Variants in PLCG1 observed in about 807,000 individuals in gnomAD.
PLCG1 encodes phospholipase C gamma 1.
PLCG1 carries 71 observed loss-of-function variants against 177.8 expected under a neutral mutation model. That is an observed-to-expected ratio of 0.40 (90% CI 0.33 to 0.49). The LOEUF (loss-of-function observed/expected upper bound fraction) is 0.49, where lower values mean the gene tolerates loss of function less well. PLCG1 is among the 20% of genes least tolerant of loss of function. PLCG1 has a pLI of 0.72. For synonymous variants in PLCG1, 658 were observed against 647.9 expected (o/e 1.02, Z -0.24); for missense variants, 1,281 against 1,709.0 (o/e 0.75, Z 4.42).
chr20:41,159,883 T>A lies in PLCG1; in HGVS notation c.384T>A (p.Asp128Glu), dbSNP rs2035440594. 4 of 1,614,064 alleles carry A rather than the reference T, an allele frequency of 2.5e-6. No individual in the cohort carries two copies. Among genetic ancestry groups the A allele is most frequent in the Non-Finnish European group, 3.4e-6 (4 of 1,179,970 alleles). ...CCTTGCTCACAGCCACATCTGAGGA[T>A]GAAGTGAACATGTGGATCAAGGGCT... Reference protein sequence around the residue: ...KTLSLQATSEDEVNMWIKGLT... With the variant: ...KTLSLQATSEEEVNMWIKGLT... Residue 128 changes from aspartate (D) to glutamate (E), a missense_variant, in exon 3 of 32, where the codon GAT (aspartate) becomes GAA (glutamate). Physicochemically the swap from Asp to Glu is conservative, Grantham distance 45. Coordinates refer to ENST00000685551, the MANE Select transcript of PLCG1 (RefSeq NM_002660.3). This position sits in a 1 kb window ranked among gnomAD's most constrained non-coding sequence, Gnocchi z 6.0.
rs564394004 is a variant in PLCG1 at position 41,144,901 on chromosome 20, T to TCATTGAA, written c.217+7044_217+7050dup. On this transcript the variant is annotated intron_variant, in intron 1 of 31. Transcript: ENST00000685551. The surrounding 1 kb of genome is among the most constrained non-coding windows in gnomAD (Gnocchi z 4.1). ...ACTAGCTTTCTTGGGCCTCAGTGGCTCATTGAATAAGTGAGAGACGACTTG... is the reference window on the plus strand; with the variant it reads ...ACTAGCTTTCTTGGGCCTCAGTGGCTCATTGAACATTGAATAAGTGAGAGACGACTTG... Among the ~76,000 whole-genome samples the TCATTGAA allele has an allele frequency of 2.2e-3, 339 of 152,202 alleles. No individual in the cohort carries two copies. Among genetic ancestry groups the TCATTGAA allele is most frequent in the African/African-American group, 7.7e-3 (318 of 41,524 alleles).
chr20:41,169,021 C>T (rs767171687), intron 21 of PLCG1, 58 bp from the exon 22 acceptor site: 1 of 1,382,062 alleles, frequency 7.2e-7, no homozygotes. Context: ...CCAAAGGATA[C>T]CCTCCTCATG....
chr20:41,173,128 G>A lies in PLCG1; in HGVS notation c.3279+251G>A, dbSNP rs2035955440. Among the ~76,000 whole-genome samples the A allele has an allele frequency of 6.6e-6, 1 of 152,088 alleles. No individual in the cohort carries two copies. The highest frequency in any genetic ancestry group is 1.5e-5 in the Non-Finnish European group (1 of 68,004). Reference sequence around the variant, plus strand: ...GATGAGATCTTTTTTTTCCCTAAGGGGAGGTCATTTAAAAGATTTCTGTGT... The same window carrying A: ...GATGAGATCTTTTTTTTCCCTAAGGAGAGGTCATTTAAAAGATTTCTGTGT... On this transcript the variant is annotated intron_variant, in intron 27 of 31. Transcript: ENST00000685551. This position sits in a 1 kb window ranked among gnomAD's most constrained non-coding sequence, Gnocchi z 6.2.
intron 4 of PLCG1, among the ~76,000 whole-genome samples, chr20:41,161,611 C>G (rs1170933952): frequency 6.6e-6 from 1 of 152,110 alleles, no homozygotes; most frequent in Non-Finnish European, 1.5e-5. Flanking sequence ...TAGAGCCAGC[C>G]CTCCCTCCGC....
rs1327352937 is a variant in PLCG1, at chr20:41,176,793, T to A, written c.*2284T>A. The A allele has an allele frequency of 6.6e-6, 1 of 150,860 alleles. No individual in the cohort carries two copies. The highest frequency in any genetic ancestry group is 1.9e-4 in the East Asian group (1 of 5,200). The allele number at this position is 150,860 out of a possible 1,614,324, so 9.3% of individuals were successfully genotyped here. Reference sequence around the variant, plus strand: ...TCCTCCAGACCTGACAAATGTTGATTGACCCAGAAGGCAGAGTGTTTGTTG... The same window carrying A: ...TCCTCCAGACCTGACAAATGTTGATAGACCCAGAAGGCAGAGTGTTTGTTG... On this transcript the variant is annotated 3_prime_UTR_variant, in exon 32 of 32. Coordinates refer to ENST00000685551, the MANE Select transcript of PLCG1 (RefSeq NM_002660.3).
chr20:41,155,208 A>C (rs1416661850), intron 1 of PLCG1, among the ~76,000 whole-genome samples: 1 of 152,256 alleles, frequency 6.6e-6, no homozygotes, highest in Non-Finnish European at 1.5e-5. Context: ...CCCAGGTGCC[A>C]GGCAGCAGGC....
In PLCG1 at chr20:41,163,806, A is replaced by T; in HGVS notation, c.983A>T (p.His328Leu). The change falls in exon 10 of 32, where the codon CAC becomes CTC. Residue 328 changes from histidine to leucine, a missense_variant. This residue lies in a region of PLCG1 where 374 missense variants were observed against 443.8 expected (regional missense o/e 0.84). Coordinates refer to ENST00000685551, the MANE Select transcript of PLCG1 (RefSeq NM_002660.3). The surrounding 1 kb of genome is among the most constrained non-coding windows in gnomAD (Gnocchi z 5.2). ...CPDTMNNPLS[H>L]YWISSSHNTY... ...GACACCATGAACAACCCTCTTTCCCACTACTGGATCTCCTCCTCGCACAAC... is the reference window on the plus strand; with the variant it reads ...GACACCATGAACAACCCTCTTTCCCTCTACTGGATCTCCTCCTCGCACAAC... 1.9e-6 allele frequency: 3 copies of T among 1,613,338 alleles called. No individual in the cohort carries two copies. The South Asian group carries it at 3.3e-5, about 18-fold the overall frequency.
At chr20:41,168,160 T>C (rs1169283560) in intron 20 of PLCG1, among the ~76,000 whole-genome samples, 1 of 152,150 alleles carries the variant, frequency 6.6e-6, no homozygotes, top group Non-Finnish European at 1.5e-5. Flanking sequence ...TTTAAACTGC[T>C]CCTGTGGGTG....
At position 41,158,221 on chromosome 20, in the gene PLCG1, G is replaced by A. The variant is rs34483206; in HGVS notation, c.218-1385G>A. Among the ~76,000 whole-genome samples, 416 of 152,228 alleles carry A rather than the reference G, an allele frequency of 2.7e-3. 3 individuals are homozygous for A. Among genetic ancestry groups the A allele is most frequent in the South Asian group, 0.015 (74 of 4,824 alleles). On this transcript the variant is annotated intron_variant, in intron 1 of 31. Coordinates refer to ENST00000685551, the MANE Select transcript of PLCG1 (RefSeq NM_002660.3). ...AGAGAGCATCTGGGGGAGTTGGGCC[G>A]TTAGGACATTCCAGGCAGGTTGGTG...
intron 1 of PLCG1, among the ~76,000 whole-genome samples, chr20:41,152,887 G>T (rs2035209776): frequency 1.3e-5 from 2 of 152,254 alleles, no homozygotes; most frequent in Non-Finnish European, 2.9e-5. Context: ...GGTAGGAGTG[G>T]CTTGTGCAAA....
At position 41,173,815 on chromosome 20, in the gene PLCG1, T is replaced by G; in HGVS notation, c.3556+2T>G. ...TCCCAGTAAAAGGCCTGAAGACAGG[T>G]GAGGACCATTCCTGGAGGCAGTGCC... On this transcript the variant is annotated splice_donor_variant, in intron 29 of 31. Coordinates refer to ENST00000685551, the MANE Select transcript of PLCG1 (RefSeq NM_002660.3). LOFTEE classifies it high-confidence loss of function. The surrounding 1 kb of genome is among the most constrained non-coding windows in gnomAD (Gnocchi z 6.2). 6.2e-7 allele frequency: 1 copy of G among 1,613,198 alleles called. No homozygotes were observed. The highest frequency in any genetic ancestry group is 8.5e-7 in the Non-Finnish European group (1 of 1,179,414).
Position 41,165,883 on chromosome 20 carries a change from A to C in PLCG1, c.1799+57A>C, listed in dbSNP as rs968391705. 3.0e-6 allele frequency: 4 copies of C among 1,334,772 alleles called. No individual in the cohort carries two copies. In the African/African-American group the frequency reaches 5.9e-5, roughly 20 times the overall value. The allele number at this position is 1,334,772 out of a possible 1,614,324, so 82.7% of individuals were successfully genotyped here. ...GTCAGCGTGTGTACACAGACATCAC[A>C]TCACCCAGAGATAATCAGTTAACAT... is the stretch of plus-strand genomic sequence containing the variant. On this transcript the variant is annotated intron_variant, in intron 16 of 31. Coordinates refer to ENST00000685551, the MANE Select transcript of PLCG1 (RefSeq NM_002660.3). The surrounding 1 kb of genome is among the most constrained non-coding windows in gnomAD (Gnocchi z 6.6).
In PLCG1 at chr20:41,166,992, T is replaced by G. The variant is rs533092350; in HGVS notation, c.2301+133T>G. 3.6e-5 allele frequency: 29 copies of G among 798,772 alleles called. No individual in the cohort carries two copies. The African/African-American group carries it at 3.9e-4, about 11-fold the overall frequency. 49.5% of individuals were successfully genotyped at this position (798,772 alleles called of 1,614,324 possible). On this transcript the variant is annotated intron_variant, in intron 19 of 31. Transcript: ENST00000685551. The surrounding 1 kb of genome is among the most constrained non-coding windows in gnomAD (Gnocchi z 8.6). ...TCGTGGGAGGGCCCCTGACTCCAGCTGGGAGCCACAGTGTGGGTACCAGGA... is the reference window on the plus strand; with the variant it reads ...TCGTGGGAGGGCCCCTGACTCCAGCGGGGAGCCACAGTGTGGGTACCAGGA...
chr20:41,174,841 G>A lies in PLCG1; in HGVS notation c.*332G>A. 9.1e-6 allele frequency: 3 copies of A among 331,314 alleles called. No homozygotes were observed. The highest frequency in any genetic ancestry group is 1.7e-5 in the Non-Finnish European group (3 of 175,798). The allele number at this position is 331,314 out of a possible 1,614,324, so 20.5% of individuals were successfully genotyped here. Reference sequence around the variant, plus strand: ...CCCCTTGGAGAGAGAGGCTGCCTCAGCCAGTGGCACAGGAGACTCCAAGGA... The same window carrying A: ...CCCCTTGGAGAGAGAGGCTGCCTCAACCAGTGGCACAGGAGACTCCAAGGA... On this transcript the variant is annotated 3_prime_UTR_variant, in exon 32 of 32. Coordinates refer to ENST00000685551, the MANE Select transcript of PLCG1 (RefSeq NM_002660.3). This position sits in a 1 kb window ranked among gnomAD's most constrained non-coding sequence, Gnocchi z 5.8.
At chr20:41,138,619 C>T (rs2034699662) in intron 1 of PLCG1, among the ~76,000 whole-genome samples, 1 of 152,102 alleles carries the variant, frequency 6.6e-6, no homozygotes, top group Non-Finnish European at 1.5e-5. Flanking sequence ...CCATAAAGGC[C>T]TGCCCCAGCG....
Position 41,172,181 on chromosome 20 carries a change from G to A in PLCG1, c.2809-12G>A. 1 of 1,605,820 alleles carries A rather than the reference G, an allele frequency of 6.2e-7. No individual in the cohort carries two copies. Among genetic ancestry groups the A allele is most frequent in the Non-Finnish European group, 8.5e-7 (1 of 1,172,422 alleles). ...GTAGCCTGGGGCTACAGGGCCTTGT[G>A]TGTGTCACCAGCTCACTGAAGGGAA... is the stretch of plus-strand genomic sequence containing the variant. On this transcript the variant is annotated splice_polypyrimidine_tract_variant and intron_variant, in intron 24 of 31. Coordinates refer to ENST00000685551, the MANE Select transcript of PLCG1 (RefSeq NM_002660.3). The surrounding 1 kb of genome is among the most constrained non-coding windows in gnomAD (Gnocchi z 7.0).
intron 1 of PLCG1, among the ~76,000 whole-genome samples, chr20:41,142,633 C>G (rs933287949): frequency 6.6e-6 from 1 of 152,094 alleles, no homozygotes; most frequent in African/African-American, 2.4e-5. Flanking sequence ...AGCATTTGGG[C>G]CCTAGACTCT....
chr20:41,171,586 C>CAA (rs71844995), intron 24 of PLCG1, among the ~76,000 whole-genome samples: 12,065 of 63,414 alleles, frequency 0.19, 1,261 homozygotes, highest in South Asian at 0.24. Context: ...GACTCTGTCT[C>CAA]AAAAAAAAAA....
In PLCG1 at chr20:41,172,843, T is replaced by C. The variant is rs777841676; in HGVS notation, c.3245T>C (p.Leu1082Pro). The C allele has an allele frequency of 6.2e-7, 1 of 1,614,146 alleles. No homozygotes were observed. The highest frequency in any genetic ancestry group is 8.5e-7 in the Non-Finnish European group (1 of 1,180,040). Residue 1082 changes from leucine to proline, a missense_variant, in exon 27 of 32, where the codon CTC (leucine) becomes CCC (proline). Leu to Pro is a moderately conservative substitution (Grantham distance 98). Coordinates refer to ENST00000685551, the MANE Select transcript of PLCG1 (RefSeq NM_002660.3). The surrounding 1 kb of genome is among the most constrained non-coding windows in gnomAD (Gnocchi z 7.0). Reference sequence around the variant, plus strand: ...TTCGACCCCTTTGACAAGAGCAGCCTCCGCGGGCTGGAGCCATGTGCCATC... The same window carrying C: ...TTCGACCCCTTTGACAAGAGCAGCCCCCGCGGGCTGGAGCCATGTGCCATC... ...EAFDPFDKSSLRGLEPCAISI... is the reference protein window; with the variant it reads ...EAFDPFDKSSPRGLEPCAISI...
Sources: gnomAD v4.1 joint callset for allele counts (sites outside exome capture counted in the v4.1 genomes callset) on GRCh38, gnomAD v4.1.1 for gene constraint, gnomAD v4.1.1 regional missense constraint, Gnocchi (gnomAD v3.1) non-coding constraint, MANE v1.5 for transcripts, NCBI Gene and HGNC (gene_info 2026-07-23, HGNC 2026-07-21) for gene names.